The following ACAD11 variants were observed in gnomAD, a reference collection of about 807,000 sequenced individuals.
ACAD11 encodes the protein acyl-CoA dehydrogenase family member 11.
In ACAD11, 83 loss-of-function variants were observed where a neutral mutation model predicts 102.2. That is an observed-to-expected ratio of 0.81 (90% confidence interval 0.68 to 0.97). The LOEUF is 0.97. Ranked by LOEUF, ACAD11 falls within the 50% of genes least tolerant of loss-of-function variation. The pLI, the probability that ACAD11 is intolerant of heterozygous loss-of-function variation, is 0.00. For synonymous variants in ACAD11, 324 were observed against 319.8 expected (o/e 1.01, Z -0.14); for missense variants, 901 against 951.7 (o/e 0.95, Z 0.70).
At chr3:132,656,391 A>G (rs1439112340) in intron 1 of ACAD11, among the ~76,000 whole-genome samples, 2 of 151,988 alleles carry the variant, frequency 1.3e-5, no homozygotes, top group Admixed American at 1.3e-4. Context: ...TCCCAACTTC[A>G]TTTTTACAAG....
At chr3:132,572,847 T>C (rs1307593261) in intron 17 of ACAD11, among the ~76,000 whole-genome samples, 2 of 152,240 alleles carry the variant, frequency 1.3e-5, no homozygotes, top group African/African-American at 4.8e-5. Flanking sequence ...CTGCAGGGGA[T>C]TGAAACTGCG....
chr3:132,654,589 T>C (rs572843566), intron 1 of ACAD11: 1 of 152,338 alleles, frequency 6.6e-6, no homozygotes, highest in African/African-American at 2.4e-5. Context: ...GCCTGCAGAA[T>C]CTCTGCCCAT....
At chr3:132,610,602 C>T (rs963280817) in intron 11 of ACAD11, among the ~76,000 whole-genome samples, 4 of 152,132 alleles carry the variant, frequency 2.6e-5, no homozygotes, top group African/African-American at 9.7e-5. Flanking sequence ...CACCTCTATG[C>T]AAATAAACTA....
At chr3:132,656,215 TCATC>T (rs1218941844) in intron 1 of ACAD11, among the ~76,000 whole-genome samples, 1 of 152,266 alleles carries the variant, frequency 6.6e-6, no homozygotes, top group Non-Finnish European at 1.5e-5. Flanking sequence ...TGCAATTTAT[TCATC>T]CATTCTGTAT....
chr3:132,578,218 G>T (rs113194389), intron 15 of ACAD11, among the ~76,000 whole-genome samples: 2,735 of 152,224 alleles, frequency 0.018, 43 homozygotes, highest in South Asian at 0.072. Context: ...AATTAGCTGG[G>T]CATGGTGGCT....
chr3:132,592,694 C>G (rs569757676), intron 13 of ACAD11, among the ~76,000 whole-genome samples: 4 of 152,280 alleles, frequency 2.6e-5, no homozygotes, highest in African/African-American at 9.6e-5. Context: ...GTTTCTTCTA[C>G]CAACATAGAA....
At chr3:132,625,703 G>C (rs954064648) in intron 9 of ACAD11, among the ~76,000 whole-genome samples, 5 of 152,106 alleles carry the variant, frequency 3.3e-5, no homozygotes, top group African/African-American at 4.8e-5. Context: ...TCAAGCAACA[G>C]CACAAACTGT....
At position 132,659,774 on chromosome 3, in the gene ACAD11, A is replaced by C. The variant is rs1490398742; in HGVS notation, c.-23T>G. 1 of 1,572,160 alleles carries C rather than the reference A, an allele frequency of 6.4e-7. No individual in the cohort carries two copies. The highest frequency in any genetic ancestry group is 1.4e-5 in the African/African-American group (1 of 72,928). ...CATGATCACCCCCGCAGGCCACAGC[A>C]ACGCGGCATCCACAGGTCTCGAGTG... On this transcript the variant is annotated 5_prime_UTR_variant, in exon 1 of 20. Transcript: ENST00000264990.
chr3:132,561,152 C>T lies in ACAD11; in HGVS notation c.2067G>A (p.Leu689=). 1 of 1,613,594 alleles carries T rather than the reference C, an allele frequency of 6.2e-7. No individual in the cohort carries two copies. Among genetic ancestry groups the T allele is most frequent in the Non-Finnish European group, 8.5e-7 (1 of 1,179,714 alleles). Residue 689 remains leucine (L), a synonymous_variant, in exon 18 of 20, where the codon CTG becomes CTA. Transcript: ENST00000264990. ...IAIEKIRLLT[L]KAAHSMDTLG... The stretch of plus-strand genomic sequence containing the variant: ...GAGTGTCCATGCTGTGAGCAGCTTT[C>T]AGAGTCAACAAGCGGATCTTCTCAA...
chr3:132,585,204 T>C (rs1937757008), intron 13 of ACAD11, among the ~76,000 whole-genome samples: 1 of 152,184 alleles, frequency 6.6e-6, no homozygotes, highest in South Asian at 2.1e-4. Context: ...TGTACAACTA[T>C]CTGATCTTTG....
At chr3:132,580,775 A>G (rs530901877) in intron 13 of ACAD11, among the ~76,000 whole-genome samples, 19 of 152,146 alleles carry the variant, frequency 1.2e-4, no homozygotes, top group Admixed American at 3.9e-4. Flanking sequence ...GCAGAAGTTA[A>G]TAACAGATGA....
chr3:132,610,844 A>G (rs1939103192), intron 11 of ACAD11, among the ~76,000 whole-genome samples: 1 of 152,216 alleles, frequency 6.6e-6, no homozygotes, highest in African/African-American at 2.4e-5. Flanking sequence ...ATTCATGGAA[A>G]AAGAGGGAAT....
rs555192233 is a variant in ACAD11 at position 132,604,866 on chromosome 3, A to AG, written c.1522+231dup. ...AAGTTTACTCTGCTACTAATGCTATAGCAGGCTACTAGAGAACATCATCTG... is the reference window on the plus strand; with the variant it reads ...AAGTTTACTCTGCTACTAATGCTATAGGCAGGCTACTAGAGAACATCATCTG... On this transcript the variant is annotated intron_variant, in intron 12 of 19. Coordinates refer to ENST00000264990, the MANE Select transcript of ACAD11 (RefSeq NM_032169.5). 1.4e-3 allele frequency among the ~76,000 whole-genome samples: 220 copies of AG among 152,384 alleles called. 2 individuals are homozygous for AG. The highest frequency in any genetic ancestry group is 4.6e-3 in the African/African-American group (193 of 41,592).
chr3:132,577,731 C>G (rs369571289), intron 15 of ACAD11, among the ~76,000 whole-genome samples: 1 of 152,178 alleles, frequency 6.6e-6, no homozygotes, highest in African/African-American at 2.4e-5. Flanking sequence ...TCAGCCTTCT[C>G]CACACTGTTT....
In ACAD11 at chr3:132,618,096, A is replaced by G. The variant is rs753064273; in HGVS notation, c.1414+538T>C. ...TTTTCATCTTCAAACTTATTACGTA[A>G]GTTTGAAGTTTACTTATTATAATTA... On this transcript the variant is annotated intron_variant, in intron 11 of 19. Transcript: ENST00000264990. 4.6e-5 allele frequency among the ~76,000 whole-genome samples: 7 copies of G among 152,168 alleles called. No individual in the cohort carries two copies. The South Asian group carries it at 1.5e-3, about 32-fold the overall frequency.
intron 4 of ACAD11, among the ~76,000 whole-genome samples, chr3:132,641,731 A>AGAGGAGG (rs1559974134): frequency 6.6e-6 from 1 of 151,028 alleles, no homozygotes. Context: ...AAGAAGAAGA[A>AGAGGAGG]AAAACTGTAT....
rs909174129 is a variant in ACAD11, at chr3:132,615,875, T to C, written c.1414+2759A>G. On this transcript the variant is annotated intron_variant, in intron 11 of 19. Coordinates refer to ENST00000264990, the MANE Select transcript of ACAD11 (RefSeq NM_032169.5). ...AATAGCTTTAGAATTAAAGTTGCTA[T>C]TTTCAACATTCCAATATACAATATT... 8.5e-5 allele frequency among the ~76,000 whole-genome samples: 13 copies of C among 152,282 alleles called. No homozygotes were observed. In the East Asian group the frequency reaches 2.5e-3, roughly 29 times the overall value.
chr3:132,579,643 T>C, intron 13 of ACAD11, 85 bp from the exon 14 acceptor site: 1 of 1,047,284 alleles, frequency 9.5e-7, no homozygotes. Flanking sequence ...CCTTCCCACT[T>C]TACCTATGTC....
intron 17 of ACAD11, among the ~76,000 whole-genome samples, chr3:132,573,737 C>A (rs1360104549): frequency 6.6e-6 from 1 of 152,190 alleles, no homozygotes; most frequent in African/African-American, 2.4e-5. Context: ...TCAGTTGGGT[C>A]TCTATAGACC....
Sources: allele counts gnomAD v4.1 joint callset (sites outside exome capture counted in the v4.1 genomes callset), GRCh38; gene constraint gnomAD v4.1.1; transcripts MANE v1.5; gene names NCBI Gene and HGNC (gene_info 2026-07-23, HGNC 2026-07-21).